Variants in KANK1 observed in about 807,000 individuals in gnomAD.
KANK1 encodes KN motif and ankyrin repeat domains 1, also known as KN motif and ankyrin repeat domain-containing protein 1.
Under a neutral mutation model 106.2 loss-of-function variants are expected in KANK1, and 109 were observed. The observed-to-expected ratio is 1.03, with a 90% CI of 0.88 to 1.20. KANK1 has a LOEUF of 1.20. Among genes scored for constraint, KANK1 ranks in the 50% most tolerant of loss-of-function variants. The probability of loss-of-function intolerance (pLI) is 0.00; values close to 1 mark genes in which losing one functional copy is unlikely to be tolerated. For synonymous variants in KANK1, 873 were observed against 652.2 expected (o/e 1.34, Z -5.16); for missense variants, 2,399 against 1,710.7 (o/e 1.40, Z -7.10).
At chr9:693,106 T>C (rs1296693450) in intron 2 of KANK1, among the ~76,000 whole-genome samples, 1 of 152,188 alleles carries the variant, frequency 6.6e-6, no homozygotes, top group African/African-American at 2.4e-5. Flanking sequence ...TCGAAGATGT[T>C]ATGAATAAAA....
chr9:590,272 T>A (rs535275110), intron 1 of KANK1, among the ~76,000 whole-genome samples: 1 of 152,160 alleles, frequency 6.6e-6, no homozygotes, highest in Admixed American at 6.5e-5. Flanking sequence ...TTTGTTATTA[T>A]AGTCAGGGAG....
chr9:688,320 T>G lies in KANK1; in HGVS notation c.37+11311T>G, dbSNP rs73372955. Among the ~76,000 whole-genome samples, 1,398 of 152,312 alleles carry G rather than the reference T, an allele frequency of 9.2e-3. 16 individuals carry two copies. Among genetic ancestry groups the G allele is most frequent in the African/African-American group, 0.031 (1,282 of 41,576 alleles). ...GCTCTAAGGCAGGCTTAAGATGGTG[T>G]TGTTGCTGGGTGTGGTGGCTCATGC... On this transcript the variant is annotated intron_variant, in intron 2 of 11. Coordinates refer to ENST00000382297, the MANE Select transcript of KANK1 (RefSeq NM_015158.5).
At chr9:577,178 G>C (rs544629144) in intron 1 of KANK1, among the ~76,000 whole-genome samples, 1 of 152,224 alleles carries the variant, frequency 6.6e-6, no homozygotes, top group African/African-American at 2.4e-5. Context: ...GAACCCAAGC[G>C]GGTTGCCTCT....
Position 580,881 on chromosome 9 carries a change from C to T in KANK1, c.-84+76127C>T, listed in dbSNP as rs138131359. Among the ~76,000 whole-genome samples the T allele has an allele frequency of 7.3e-3, 1,110 of 152,286 alleles. 18 individuals are homozygous for T. Among genetic ancestry groups the T allele is most frequent in the African/African-American group, 0.025 (1,058 of 41,554 alleles). ...AGCCCACGGCATCTGGGGGAGGCTC[C>T]GGCATGGTGGGCTGCAGGTCCCGAG... On this transcript the variant is annotated intron_variant, in intron 1 of 11. Transcript: ENST00000382297.
intron 2 of KANK1, among the ~76,000 whole-genome samples, chr9:682,301 A>G (rs60916640): frequency 0.055 from 8,300 of 152,014 alleles, 684 homozygotes; most frequent in African/African-American, 0.18. Context: ...AAGAAAAGTT[A>G]TTTAAATTAA....
intron 1 of KANK1, among the ~76,000 whole-genome samples, chr9:530,212 T>C (rs1014956466): frequency 6.6e-6 from 1 of 152,222 alleles, no homozygotes; most frequent in African/African-American, 2.4e-5. Context: ...CGGGTTATAT[T>C]ACATTTTTCC....
At chr9:475,994 AGGTGCCTGCCACCACACCCG>A (rs1212183832) in intron 3 of KANK1, among the ~76,000 whole-genome samples, 2 of 151,814 alleles carry the variant, frequency 1.3e-5, no homozygotes, top group South Asian at 4.2e-4. Flanking sequence ...CTGGGATTAC[AGGTGCCTGCCACCACACCCG>A]GCTAATTTTT....
intron 3 of KANK1, among the ~76,000 whole-genome samples, chr9:495,009 G>C (rs903834850): frequency 6.6e-6 from 1 of 152,186 alleles, no homozygotes; most frequent in Non-Finnish European, 1.5e-5. Context: ...GCTAACCTAA[G>C]ACAGCAAGTG....
rs771301137 is a variant in KANK1, at chr9:520,095, TG to T, written c.-84+15344del. Among the ~76,000 whole-genome samples, 7 of 151,690 alleles carry T rather than the reference TG, an allele frequency of 4.6e-5. 1 individual carries two copies. Among genetic ancestry groups the T allele is most frequent in the Admixed American group, 2.0e-4 (3 of 15,252 alleles). On this transcript the variant is annotated intron_variant, in intron 1 of 11. Coordinates refer to ENST00000382297, the MANE Select transcript of KANK1 (RefSeq NM_015158.5). ...GCTCACACCTGTAATCCCAGCACTT[TG>T]GGAGGCTGAGGTGGATAGATCGCTT... is the stretch of plus-strand genomic sequence containing the variant.
chr9:552,128 G>A (rs2061322005), intron 1 of KANK1, among the ~76,000 whole-genome samples: 2 of 152,136 alleles, frequency 1.3e-5, no homozygotes, highest in Non-Finnish European at 2.9e-5. Context: ...CTTGAGAAGT[G>A]ACTTAAGACC....
Position 653,223 on chromosome 9 carries a change from C to T in KANK1, c.-83-23667C>T, listed in dbSNP as rs1407204180. On this transcript the variant is annotated intron_variant, in intron 1 of 11. Transcript: ENST00000382297. ...TAGTCTGGACATGAAGAGTCTGAGG[C>T]CCAGAGCATTTAAGTAACGTTCCCA... Among the ~76,000 whole-genome samples the T allele has an allele frequency of 1.3e-5, 2 of 152,068 alleles. 1 individual carries two copies. The highest frequency in any genetic ancestry group is 4.8e-5 in the African/African-American group (2 of 41,380).
At chr9:604,076 A>G (rs1239820646) in intron 1 of KANK1, among the ~76,000 whole-genome samples, 1 of 151,370 alleles carries the variant, frequency 6.6e-6, no homozygotes, top group East Asian at 1.9e-4. Context: ...GATTTCAGCA[A>G]AAAGTTGGGG....
intron 1 of KANK1, among the ~76,000 whole-genome samples, chr9:642,650 T>A (rs529904423): frequency 6.6e-6 from 1 of 150,922 alleles, no homozygotes; most frequent in East Asian, 1.9e-4. Flanking sequence ...GGGAGAAAAA[T>A]TCAAGCCAGA....
chr9:483,085 G>C (rs2058234100), intron 3 of KANK1, among the ~76,000 whole-genome samples: 1 of 151,990 alleles, frequency 6.6e-6, no homozygotes. Flanking sequence ...AGAGTAATGA[G>C]GTCAGAATAT....
rs71314729 is a variant in KANK1, at chr9:706,568, CTTTTT to C, written c.38-4226_38-4222del. 1.6e-3 allele frequency among the ~76,000 whole-genome samples: 225 copies of C among 138,078 alleles called. 1 individual carries two copies. Among genetic ancestry groups the C allele is most frequent in the African/African-American group, 5.8e-3 (214 of 36,984 alleles). The allele number at this position is 138,078 out of a possible 152,430, so 90.6% of individuals were successfully genotyped here. A position where few individuals can be genotyped will look rare whatever the true frequency, so the allele number is the denominator to read the frequency against. On this transcript the variant is annotated intron_variant, in intron 2 of 11. Coordinates refer to ENST00000382297, the MANE Select transcript of KANK1 (RefSeq NM_015158.5). ...CGTTCTTTAAATTATCTGTATGTGGCTTTTTTTTTTTTTTAATGTTTTACAAGCAT... is the reference window on the plus strand; with the variant it reads ...CGTTCTTTAAATTATCTGTATGTGGCTTTTTTTTTAATGTTTTACAAGCAT...
intron 1 of KANK1, among the ~76,000 whole-genome samples, chr9:510,326 A>C (rs190109359): frequency 2.0e-5 from 3 of 152,206 alleles, no homozygotes; most frequent in African/African-American, 7.2e-5. Context: ...TTGAAAGGAT[A>C]TAAGAAGGAT....
In KANK1 at chr9:713,330, C is replaced by G. The variant is rs1230307272; in HGVS notation, c.2564C>G (p.Pro855Arg). The change falls in exon 3 of 12, where the codon CCT (proline) becomes CGT (arginine). Residue 855 changes from proline to arginine, a missense_variant. By Grantham distance (103) the Pro-to-Arg change is moderately radical (BLOSUM62 -2). Coordinates refer to ENST00000382297, the MANE Select transcript of KANK1 (RefSeq NM_015158.5). ...GAACTGGCAGAAGCTTTCGGGGAACCTCACTCACAGATGGGCTCCCTCAAC... is the reference window on the plus strand; with the variant it reads ...GAACTGGCAGAAGCTTTCGGGGAACGTCACTCACAGATGGGCTCCCTCAAC... ...YSELAEAFGE[P>R]HSQMGSLNSQ... is the part of the protein sequence containing the mutation. 3.1e-6 allele frequency: 5 copies of G among 1,614,026 alleles called. No homozygotes were observed. The African/African-American group carries it at 5.3e-5, about 17-fold the overall frequency.
At chr9:640,623 C>G (rs1031391370) in intron 1 of KANK1, among the ~76,000 whole-genome samples, 2 of 151,950 alleles carry the variant, frequency 1.3e-5, no homozygotes, top group African/African-American at 2.4e-5. Flanking sequence ...TCTTGAACTC[C>G]TGATCTCAGG....
At chr9:518,880 T>G (rs1330528092) in intron 1 of KANK1, among the ~76,000 whole-genome samples, 2 of 140,922 alleles carry the variant, frequency 1.4e-5, no homozygotes, top group Non-Finnish European at 3.1e-5. Context: ...TTCTTAGCAT[T>G]GTCTTTAAAT....
Sources: gnomAD v4.1 joint callset for allele counts (sites outside exome capture counted in the v4.1 genomes callset) on GRCh38, gnomAD v4.1.1 for gene constraint, MANE v1.5 for transcripts, NCBI Gene and HGNC (gene_info 2026-07-23, HGNC 2026-07-21) for gene names.